Variants in SLC15A5 observed in about 807,000 individuals in gnomAD.
SLC15A5 encodes the protein Peptide/histidine transporter ENSP00000340402.
SLC15A5 carries 58 observed loss-of-function variants against 56.1 expected under a neutral mutation model. That is an observed-to-expected ratio of 1.03 (90% CI 0.84 to 1.29). SLC15A5 has a LOEUF of 1.29. Among genes scored for constraint, SLC15A5 ranks in the 50% most tolerant of loss-of-function variants. The pLI, the probability that SLC15A5 is intolerant of heterozygous loss-of-function variation, is 0.00. For synonymous variants in SLC15A5, 264 were observed against 250.5 expected, an observed-to-expected ratio of 1.05 and a Z score of -0.51; for missense variants, 681 against 672.1, an observed-to-expected ratio of 1.01 and a Z score of -0.15.
At chr12:16,218,609 A>G (rs1864154270) in intron 6 of SLC15A5, among the ~76,000 whole-genome samples, 1 of 152,186 alleles carries the variant, frequency 6.6e-6, no homozygotes, top group Non-Finnish European at 1.5e-5. Flanking sequence ...TGGCAATTAG[A>G]GCACAGTGCT....
chr12:16,205,596 TACACAC>T (rs56313529), intron 7 of SLC15A5, among the ~76,000 whole-genome samples: 2 of 87,668 alleles, frequency 2.3e-5, no homozygotes, highest in Non-Finnish European at 4.7e-5. Flanking sequence ...TATATACATA[TACACAC>T]ACACACACAT....
At chr12:16,213,273 A>C (rs891246007) in intron 7 of SLC15A5, among the ~76,000 whole-genome samples, 2 of 152,180 alleles carry the variant, frequency 1.3e-5, no homozygotes, top group Admixed American at 1.3e-4. Context: ...AACACTTACT[A>C]TGCATATTAA....
At chr12:16,193,601 AG>A (rs775933471) in intron 8 of SLC15A5, among the ~76,000 whole-genome samples, 1 of 152,010 alleles carries the variant, frequency 6.6e-6, no homozygotes, top group Non-Finnish European at 1.5e-5. Flanking sequence ...GAAGGAAGTG[AG>A]GAAAATGAAA....
intron 8 of SLC15A5, among the ~76,000 whole-genome samples, chr12:16,193,800 A>C (rs1377276365): frequency 0.02 from 756 of 37,510 alleles, 51 homozygotes; most frequent in African/African-American, 0.057. Context: ...AGAGAGAGAG[A>C]GAGAGAGAGA....
chr12:16,193,544 A>G (rs933501691), intron 8 of SLC15A5, among the ~76,000 whole-genome samples: 3 of 152,026 alleles, frequency 2.0e-5, no homozygotes, highest in African/African-American at 7.2e-5. Flanking sequence ...TGAAGTGACA[A>G]TGGATGAGAT....
chr12:16,245,757 C>T (rs1864455246), intron 3 of SLC15A5, among the ~76,000 whole-genome samples: 1 of 152,110 alleles, frequency 6.6e-6, no homozygotes, highest in South Asian at 2.1e-4. Context: ...AAGAAGGCTG[C>T]TATAGAAACT....
intron 5 of SLC15A5, among the ~76,000 whole-genome samples, chr12:16,226,466 A>AT: frequency 6.6e-6 from 1 of 152,294 alleles, no homozygotes; most frequent in South Asian, 2.1e-4. Context: ...TGAGTCAAAA[A>AT]TTATTTGGAG....
rs542503676 is a variant in SLC15A5, at chr12:16,191,673, G to A, written c.1593-1858C>T. On this transcript the variant is annotated intron_variant, in intron 8 of 8. Coordinates refer to ENST00000344941, the MANE Select transcript of SLC15A5 (RefSeq NM_001170798.1). ...GTATAGAAAAAAATCGGAATCATGCGCTCCTCACTGCAGACACTGGTCTTT... is the reference window on the plus strand; with the variant it reads ...GTATAGAAAAAAATCGGAATCATGCACTCCTCACTGCAGACACTGGTCTTT... Among the ~76,000 whole-genome samples the A allele has an allele frequency of 3.9e-5, 6 of 152,110 alleles. No individual in the cohort carries two copies. In the East Asian group the frequency reaches 9.7e-4, roughly 24 times the overall value.
At chr12:16,258,424 C>T (rs1310816492) in intron 2 of SLC15A5, among the ~76,000 whole-genome samples, 1 of 152,086 alleles carries the variant, frequency 6.6e-6, no homozygotes, top group Non-Finnish European at 1.5e-5. Flanking sequence ...TGATTAGTAT[C>T]ACAGAGAGGT....
chr12:16,199,696 A>G (rs1863933485), intron 7 of SLC15A5, among the ~76,000 whole-genome samples: 1 of 152,202 alleles, frequency 6.6e-6, no homozygotes, highest in African/African-American at 2.4e-5. Flanking sequence ...TTATCAAATG[A>G]TCACACGTAT....
chr12:16,257,628 A>C, intron 3 of SLC15A5, 73 bp downstream of exon 3: 1 of 1,181,868 alleles, frequency 8.5e-7, no homozygotes, highest in Non-Finnish European at 1.1e-6. Flanking sequence ...AGTTATAAAG[A>C]ATCAAAGAGA....
At chr12:16,258,107 C>T (rs1864596119) in intron 2 of SLC15A5, among the ~76,000 whole-genome samples, 1 of 152,140 alleles carries the variant, frequency 6.6e-6, no homozygotes, top group Admixed American at 6.5e-5. Flanking sequence ...AAGGCGCTCT[C>T]TTTCATCTAA....
At chr12:16,214,956 G>A (rs550836015) in intron 7 of SLC15A5, among the ~76,000 whole-genome samples, 1 of 152,100 alleles carries the variant, frequency 6.6e-6, no homozygotes, top group Non-Finnish European at 1.5e-5. Flanking sequence ...TGTAATCCCA[G>A]CACTTTGGGA....
chr12:16,209,826 T>C (rs922884193), intron 7 of SLC15A5, among the ~76,000 whole-genome samples: 9 of 152,222 alleles, frequency 5.9e-5, no homozygotes, highest in East Asian at 1.9e-4. Context: ...TTCCAGACTT[T>C]CCTGGATTAC....
intron 4 of SLC15A5, among the ~76,000 whole-genome samples, chr12:16,241,093 G>A (rs1864410439): frequency 1.3e-5 from 2 of 152,290 alleles, no homozygotes; most frequent in South Asian, 4.1e-4. Flanking sequence ...GATTACAGGT[G>A]TGAGCCACCG....
intron 7 of SLC15A5, among the ~76,000 whole-genome samples, chr12:16,215,158 G>A (rs183588442): frequency 1.9e-3 from 252 of 135,686 alleles, no homozygotes; most frequent in African/African-American, 6.6e-3. Context: ...GGCCGAGATC[G>A]TGCCACTGCA....
chr12:16,268,916 GTGGT>G (rs1438237676), intron 2 of SLC15A5, among the ~76,000 whole-genome samples: 503 of 47,732 alleles, frequency 0.011, 4 homozygotes, highest in African/African-American at 0.04. Context: ...GTATTAGGGA[GTGGT>G]GTATTTGGGA....
rs546989660 is a variant in SLC15A5 at position 16,222,682 on chromosome 12, T to C, written c.1351+1732A>G. Among the ~76,000 whole-genome samples, 19 of 152,308 alleles carry C rather than the reference T, an allele frequency of 1.2e-4. No homozygotes were observed. The South Asian group carries it at 3.9e-3, about 32-fold the overall frequency. ...GTAAATCAGGGAGTGGTGGAGTAAGTGATGTGTAGCACATGATCTGCCTTT... is the reference window on the plus strand; with the variant it reads ...GTAAATCAGGGAGTGGTGGAGTAAGCGATGTGTAGCACATGATCTGCCTTT... On this transcript the variant is annotated intron_variant, in intron 6 of 8. Coordinates refer to ENST00000344941, the MANE Select transcript of SLC15A5 (RefSeq NM_001170798.1).
chr12:16,260,192 G>C (rs1393471381), intron 2 of SLC15A5, among the ~76,000 whole-genome samples: 2 of 152,154 alleles, frequency 1.3e-5, no homozygotes, highest in African/African-American at 4.8e-5. Flanking sequence ...TGTAAGGGGA[G>C]CAGGACTTTT....
Sources: gnomAD v4.1 joint callset for allele counts (sites outside exome capture counted in the v4.1 genomes callset) on GRCh38, gnomAD v4.1.1 for gene constraint, MANE v1.5 for transcripts, NCBI Gene and HGNC (gene_info 2026-07-23, HGNC 2026-07-21) for gene names.